The following CNNM4 variants were observed in gnomAD, a reference collection of about 807,000 sequenced individuals.
CNNM4 encodes the protein metal transporter CNNM4.
A neutral mutation model predicts 53.7 loss-of-function variants in CNNM4; 32 were observed. The ratio of observed to expected loss-of-function variants is 0.60; its 90% CI spans 0.45 to 0.80. The LOEUF is 0.80. CNNM4 is among the 30% of genes least tolerant of loss of function. The pLI is 0.00. For synonymous variants in CNNM4, 410 were observed against 440.0 expected, an observed-to-expected ratio of 0.93 and a Z score of 0.85; for missense variants, 784 against 1,022.0, an observed-to-expected ratio of 0.77 and a Z score of 3.17.
rs1158502593 is a variant in CNNM4 at position 96,765,024 on chromosome 2, G to GTTTTTTT, written c.1402+2659_1402+2665dup. Among the ~76,000 whole-genome samples the GTTTTTTT allele has an allele frequency of 3.6e-4, 15 of 41,558 alleles. 3 individuals are homozygous for GTTTTTTT. Among genetic ancestry groups the GTTTTTTT allele is most frequent in the Non-Finnish European group, 4.8e-4 (11 of 22,800 alleles). The allele number at this position is 41,558 out of a possible 152,430, so 27.3% of individuals were successfully genotyped here. A position where few individuals can be genotyped will look rare whatever the true frequency, so the allele number is the denominator to read the frequency against. ...GTTTAGGAGTCTGGTGTTGGGAATGGTTTTTTTTTTTTTTTTTTTTTTTTT... is the reference window on the plus strand; with the variant it reads ...GTTTAGGAGTCTGGTGTTGGGAATGGTTTTTTTTTTTTTTTTTTTTTTTTTTTTTTTT... On this transcript the variant is annotated intron_variant, in intron 1 of 6. Transcript: ENST00000377075.
chr2:96,762,304 C>T lies in CNNM4; in HGVS notation c.1305C>T (p.Cys435=), dbSNP rs533262322. 2.2e-5 allele frequency: 36 copies of T among 1,614,050 alleles called. No homozygotes were observed. The highest frequency in any genetic ancestry group is 1.6e-4 in the African/African-American group (12 of 74,916). Residue 435 remains cysteine, a synonymous_variant, in exon 1 of 7, where the codon TGC becomes TGT. Coordinates refer to ENST00000377075, the MANE Select transcript of CNNM4 (RefSeq NM_020184.4). ...TGGCCTTTGTGGACCCCGATGACTG[C>T]ACCCCCCTCAAGACTATCACTCGCT... ...KDLAFVDPDD[C]TPLKTITRFY...
intron 5 of CNNM4, among the ~76,000 whole-genome samples, chr2:96,806,521 A>ACACAC (rs1311700101): frequency 7.1e-6 from 1 of 140,526 alleles, no homozygotes; most frequent in African/African-American, 2.7e-5. Context: ...ACACACACAC[A>ACACAC]CACACACACA....
At chr2:96,768,976 G>A (rs1313028848) in intron 1 of CNNM4, among the ~76,000 whole-genome samples, 2 of 152,244 alleles carry the variant, frequency 1.3e-5, no homozygotes, top group Non-Finnish European at 2.9e-5. Context: ...AAGAGGCCGG[G>A]TGCGGTGGCT....
intron 1 of CNNM4, among the ~76,000 whole-genome samples, chr2:96,765,403 G>A (rs995107290): frequency 1.3e-5 from 2 of 151,856 alleles, no homozygotes; most frequent in South Asian, 2.1e-4. Flanking sequence ...TGGGATTACC[G>A]GTGTGAGCCA....
intron 1 of CNNM4, among the ~76,000 whole-genome samples, chr2:96,773,559 A>G (rs1325440588): frequency 6.6e-6 from 1 of 152,024 alleles, no homozygotes; most frequent in Admixed American, 6.6e-5. Flanking sequence ...ATTAAATGAA[A>G]TGGCAAGGCG....
chr2:96,808,667 G>A lies in CNNM4; in HGVS notation c.2055G>A (p.Gln685=). The change falls in exon 6 of 7, where the codon CAG becomes CAA. Residue 685 remains glutamine, a synonymous_variant. Coordinates refer to ENST00000377075, the MANE Select transcript of CNNM4 (RefSeq NM_020184.4). This position sits in a 1 kb window ranked among gnomAD's most constrained non-coding sequence, Gnocchi z 4.9. The stretch of plus-strand genomic sequence containing the variant: ...CAACCTTGGCAGGCAGCAGCAACCA[G>A]TTTGGCAGCTCTGTCCTGGGCCAGT... ...TAATLAGSSN[Q]FGSSVLGQYI... 1.2e-6 allele frequency: 2 copies of A among 1,614,186 alleles called. No individual in the cohort carries two copies. Among genetic ancestry groups the A allele is most frequent in the Non-Finnish European group, 1.7e-6 (2 of 1,180,034 alleles).
At chr2:96,781,770 G>A (rs2078977789) in intron 1 of CNNM4, among the ~76,000 whole-genome samples, 2 of 152,090 alleles carry the variant, frequency 1.3e-5, no homozygotes, top group African/African-American at 4.8e-5. Context: ...ACAATTCAAA[G>A]CCCAACTGGG....
Position 96,761,802 on chromosome 2 carries a change from G to A in CNNM4, c.803G>A (p.Gly268Asp), listed in dbSNP as rs760772919. 5 of 1,613,698 alleles carry A rather than the reference G, an allele frequency of 3.1e-6. No individual in the cohort carries two copies. The highest frequency in any genetic ancestry group is 1.7e-5 in the Admixed American group (1 of 59,994). The change falls in exon 1 of 7, where the codon GGC (glycine) becomes GAC (aspartate). Residue 268 changes from glycine to aspartate, a missense_variant. This residue lies in a region of CNNM4 where 473 missense variants were observed against 624.6 expected (regional missense o/e 0.76). Transcript: ENST00000377075. The surrounding 1 kb of genome is among the most constrained non-coding windows in gnomAD (Gnocchi z 6.0). ...CTTCTAGACAACCTCATCGGGTCCG[G>A]CCTCATGGCGGTGGCCTCCTCCACC... ...TILLDNLIGSGLMAVASSTIG... is the reference protein window; with the variant it reads ...TILLDNLIGSDLMAVASSTIG...
At chr2:96,791,337 T>C (rs1301904035) in intron 1 of CNNM4, among the ~76,000 whole-genome samples, 1 of 151,284 alleles carries the variant, frequency 6.6e-6, no homozygotes, top group Non-Finnish European at 1.5e-5. Flanking sequence ...GATTAGATTT[T>C]GGGGGTGGCA....
chr2:96,779,458 A>G (rs1036142724), intron 1 of CNNM4, among the ~76,000 whole-genome samples: 1 of 150,410 alleles, frequency 6.6e-6, no homozygotes, highest in Non-Finnish European at 1.5e-5. Context: ...GCAGTGAGCT[A>G]AGATTGTGCC....
intron 1 of CNNM4, among the ~76,000 whole-genome samples, chr2:96,766,444 C>A (rs2078819858): frequency 6.6e-6 from 1 of 152,144 alleles, no homozygotes; most frequent in Non-Finnish European, 1.5e-5. Context: ...TTTCCTTGGG[C>A]TGGAATATTC....
In CNNM4 at chr2:96,797,529, G is replaced by A; in HGVS notation, c.1563G>A (p.Arg521=). The A allele has an allele frequency of 6.2e-7, 1 of 1,614,206 alleles. No individual in the cohort carries two copies. Among genetic ancestry groups the A allele is most frequent in the African/African-American group, 1.3e-5 (1 of 75,068 alleles). The change falls in exon 3 of 7, where the codon CGG becomes CGA. Residue 521 remains arginine, a synonymous_variant. Transcript: ENST00000377075. This position sits in a 1 kb window ranked among gnomAD's most constrained non-coding sequence, Gnocchi z 6.0. ...ESDMYTDNRS[R]KRVSEKNKRD... is the part of the protein sequence containing the mutation. ...TTCCGGCAGCTGACAACCGAAGCCG[G>A]AAGCGGGTGTCTGAGAAGAACAAGC...
intron 5 of CNNM4, among the ~76,000 whole-genome samples, chr2:96,802,443 T>G (rs2079168158): frequency 6.6e-6 from 1 of 152,240 alleles, no homozygotes; most frequent in Admixed American, 6.5e-5. Context: ...TAAAAGACTT[T>G]CCGATTTTCT....
intron 1 of CNNM4, among the ~76,000 whole-genome samples, chr2:96,773,336 C>T (rs1022464168): frequency 6.6e-6 from 1 of 152,148 alleles, no homozygotes; most frequent in Non-Finnish European, 1.5e-5. Flanking sequence ...AGCCCTGTGC[C>T]CGGCACTGCG....
intron 1 of CNNM4, among the ~76,000 whole-genome samples, chr2:96,792,305 G>A (rs2079069066): frequency 6.6e-6 from 1 of 150,882 alleles, no homozygotes; most frequent in African/African-American, 2.4e-5. Flanking sequence ...TTTATACAAT[G>A]AGAATCCTAA....
chr2:96,766,395 C>T (rs2078819158), intron 1 of CNNM4, among the ~76,000 whole-genome samples: 1 of 152,122 alleles, frequency 6.6e-6, no homozygotes, highest in Non-Finnish European at 1.5e-5. Context: ...TTCTTAAACA[C>T]ACCAGGATGC....
chr2:96,788,502 G>A (rs1337260131), intron 1 of CNNM4: 15 of 152,364 alleles, frequency 9.8e-5, no homozygotes, highest in African/African-American at 3.4e-4. Context: ...ACTCTGGCTG[G>A]TTCCTCTCCT....
intron 1 of CNNM4, among the ~76,000 whole-genome samples, chr2:96,790,029 G>C (rs1454785229): frequency 1.1e-5 from 1 of 93,870 alleles, no homozygotes; most frequent in Non-Finnish European, 2.0e-5. Flanking sequence ...TTTTTTTTGA[G>C]ACGGAGTCTT....
chr2:96,760,932 G>A lies in CNNM4; in HGVS notation c.-68G>A. 1.1e-6 allele frequency: 1 copy of A among 870,636 alleles called. No homozygotes were observed. Among genetic ancestry groups the A allele is most frequent in the Non-Finnish European group, 1.4e-6 (1 of 724,884 alleles). 53.9% of individuals were successfully genotyped at this position (870,636 alleles called of 1,614,324 possible). A position where few individuals can be genotyped will look rare whatever the true frequency, so the allele number is the denominator to read the frequency against. The stretch of plus-strand genomic sequence containing the variant: ...GCTCGGCGGCAGCGGAGCGGCCGGA[G>A]CTGCGGTGCGGACCGGGGCCGCGCG... On this transcript the variant is annotated 5_prime_UTR_variant, in exon 1 of 7. Transcript: ENST00000377075.
Sources: gnomAD v4.1 joint callset for allele counts (sites outside exome capture counted in the v4.1 genomes callset) on GRCh38, gnomAD v4.1.1 for gene constraint, gnomAD v4.1.1 regional missense constraint, Gnocchi (gnomAD v3.1) non-coding constraint, MANE v1.5 for transcripts, NCBI Gene and HGNC (gene_info 2026-07-23, HGNC 2026-07-21) for gene names.